NFATC2: variants seen among roughly 807,000 people sequenced by gnomAD.
The protein encoded by NFATC2 is nuclear factor of activated T-cells, cytoplasmic 2.
A neutral mutation model predicts 87.3 loss-of-function variants in NFATC2; 22 were observed. The ratio of observed to expected loss-of-function variants is 0.25; its 90% confidence interval spans 0.18 to 0.36. NFATC2 has a LOEUF of 0.36. Among genes scored for constraint, NFATC2 ranks in the 10% least tolerant of loss-of-function variants. NFATC2 has a pLI of 1.00. For missense variants in NFATC2, 1,149 were observed against 1,259.1 expected (o/e 0.91, Z 1.32); for synonymous variants, 565 against 542.2 (o/e 1.04, Z -0.58).
intron 5 of NFATC2, among the ~76,000 whole-genome samples, chr20:51,471,695 T>C (rs963021356): frequency 6.6e-6 from 1 of 152,224 alleles, no homozygotes; most frequent in Non-Finnish European, 1.5e-5. Context: ...CCATGAAGGC[T>C]AGGCTTTCCC....
chr20:51,468,952 C>T (rs1407751525), intron 5 of NFATC2, among the ~76,000 whole-genome samples: 13 of 152,096 alleles, frequency 8.5e-5, no homozygotes, highest in Admixed American at 7.2e-4. Context: ...TGGGAGACCT[C>T]GGAAAGCCTC....
At chr20:51,455,488 C>G (rs1986304623) in intron 5 of NFATC2, among the ~76,000 whole-genome samples, 1 of 151,708 alleles carries the variant, frequency 6.6e-6, no homozygotes, top group Admixed American at 6.6e-5. Flanking sequence ...AGCCCGGTCC[C>G]TCTCTCTCAT....
At chr20:51,477,559 ATATATATATATATAT>A (rs1568667118) in intron 3 of NFATC2, among the ~76,000 whole-genome samples, 2 of 122,436 alleles carry the variant, frequency 1.6e-5, no homozygotes, top group African/African-American at 6.0e-5. Flanking sequence ...ATATATATAT[ATATATATATATATAT>A]ATATATAAAA....
intron 1 of NFATC2, among the ~76,000 whole-genome samples, chr20:51,556,395 G>C (rs1030533111): frequency 6.6e-6 from 1 of 152,110 alleles, no homozygotes; most frequent in Non-Finnish European, 1.5e-5. Context: ...CCTTTTAACC[G>C]TAACAATGGC....
chr20:51,545,155 C>G (rs761747050), upstream of NFATC2, among the ~76,000 whole-genome samples: 1 of 152,158 alleles, frequency 6.6e-6, no homozygotes, highest in Non-Finnish European at 1.5e-5. Flanking sequence ...ACAAGAAAAC[C>G]AGGCTTCCCC....
intron 3 of NFATC2, among the ~76,000 whole-genome samples, chr20:51,513,499 AC>A (rs1398966256): frequency 6.6e-6 from 1 of 152,144 alleles, no homozygotes; most frequent in Non-Finnish European, 1.5e-5. Flanking sequence ...AAACAAATAA[AC>A]AAACAAACAA....
Position 51,391,469 on chromosome 20 carries a change from A to T in NFATC2, c.*45-18T>A. 9.2e-6 allele frequency: 10 copies of T among 1,088,208 alleles called. No homozygotes were observed. The highest frequency in any genetic ancestry group is 2.7e-5 in the East Asian group (1 of 37,196). 67.4% of individuals were successfully genotyped at this position (1,088,208 alleles called of 1,614,324 possible). On this transcript the variant is annotated intron_variant, in intron 10 of 10. Transcript: ENST00000371564. The stretch of plus-strand genomic sequence containing the variant: ...TTCATTAACTACAAAAGAAAAGAGG[A>T]GGGGGGGGGAGAGAGAATGGGGCAA...
At chr20:51,412,725 C>G (rs761425519) in intron 9 of NFATC2, among the ~76,000 whole-genome samples, 3 of 152,230 alleles carry the variant, frequency 2.0e-5, no homozygotes. Flanking sequence ...GCTGGGTCCA[C>G]GGGGATGCTA....
rs768348142 is a variant in NFATC2, at chr20:51,523,686, G to T, written c.555C>A (p.Pro185=). 1 of 1,613,034 alleles carries T rather than the reference G, an allele frequency of 6.2e-7. No individual in the cohort carries two copies. The highest frequency in any genetic ancestry group is 1.3e-5 in the African/African-American group (1 of 74,888). The part of the protein sequence containing the change: ...SASFISDTFS[P]YTSPCVSPNN... Reference sequence around the variant, plus strand: ...TGGGCGAGACGCAGGGCGAGGTGTAGGGGGAGAAGGTGTCAGAAATGAAGC... The same window carrying T: ...TGGGCGAGACGCAGGGCGAGGTGTATGGGGAGAAGGTGTCAGAAATGAAGC... The change falls in exon 2 of 11, where the codon CCC becomes CCA. Residue 185 remains proline (P), a synonymous_variant. Coordinates refer to ENST00000371564, the MANE Select transcript of NFATC2 (RefSeq NM_012340.5). The surrounding 1 kb of genome is among the most constrained non-coding windows in gnomAD (Gnocchi z 6.9).
At chr20:51,459,997 T>C (rs1986976948) in intron 5 of NFATC2, among the ~76,000 whole-genome samples, 1 of 152,244 alleles carries the variant, frequency 6.6e-6, no homozygotes, top group South Asian at 2.1e-4. Context: ...TGAAAATAGC[T>C]AAAATGGTAA....
intron 10 of NFATC2, among the ~76,000 whole-genome samples, chr20:51,395,175 G>A (rs574965808): frequency 6.6e-6 from 1 of 151,966 alleles, no homozygotes; most frequent in Non-Finnish European, 1.5e-5. Context: ...CAGTGCCAGG[G>A]ACTATTATTT....
Position 51,468,738 on chromosome 20 carries a change from T to C in NFATC2, c.1708+5242A>G, listed in dbSNP as rs570438761. 2.0e-5 allele frequency among the ~76,000 whole-genome samples: 3 copies of C among 152,338 alleles called. No homozygotes were observed. In the South Asian group the frequency reaches 6.2e-4, roughly 32 times the overall value. On this transcript the variant is annotated intron_variant, in intron 5 of 10. Coordinates refer to ENST00000371564, the MANE Select transcript of NFATC2 (RefSeq NM_012340.5). ...CAAACATTGCCTGGTTCCGTCTTTA[T>C]AGGACAGAGACTGACAAGTAAATTG...
In NFATC2 at chr20:51,485,082, G is replaced by A. The variant is rs1335610542; in HGVS notation, c.1333-9422C>T. On this transcript the variant is annotated intron_variant, in intron 3 of 10. Coordinates refer to ENST00000371564, the MANE Select transcript of NFATC2 (RefSeq NM_012340.5). ...GACATATCTACCGCATAGCAAGCAC[G>A]CTCACTCAAGAGAGACTTGATGGCC... Among the ~76,000 whole-genome samples the A allele has an allele frequency of 1.4e-4, 22 of 152,138 alleles. 1 individual carries two copies. The highest frequency in any genetic ancestry group is 1.4e-3 in the Admixed American group (21 of 15,266).
chr20:51,506,060 C>T (rs746439116), intron 3 of NFATC2, among the ~76,000 whole-genome samples: 123 of 152,242 alleles, frequency 8.1e-4, no homozygotes, highest in Non-Finnish European at 1.3e-3. Flanking sequence ...AGGCATTCGT[C>T]TCAGCCTCCT....
chr20:51,458,609 C>T (rs1029529046), intron 5 of NFATC2, among the ~76,000 whole-genome samples: 7 of 144,548 alleles, frequency 4.8e-5, no homozygotes, highest in African/African-American at 1.8e-4. Flanking sequence ...TCATCCTGGC[C>T]AACATGGTGA....
intron 1 of NFATC2, among the ~76,000 whole-genome samples, chr20:51,558,550 GAA>G (rs2076997395): frequency 6.6e-6 from 1 of 151,918 alleles, no homozygotes; most frequent in Non-Finnish European, 1.5e-5. Flanking sequence ...ATTATTTTTT[GAA>G]TGGGTACCTT....
At chr20:51,412,275 G>A (rs969489164) in intron 9 of NFATC2, among the ~76,000 whole-genome samples, 17 of 152,232 alleles carry the variant, frequency 1.1e-4, no homozygotes, top group Non-Finnish European at 4.4e-5. Flanking sequence ...CACACAGCTG[G>A]GGGTGATTGG....
rs780015200 is a variant in NFATC2 at position 51,432,512 on chromosome 20, G to A, written c.2277C>T (p.Ser759=). The A allele has an allele frequency of 1.3e-5, 21 of 1,556,948 alleles. No individual in the cohort carries two copies. Among genetic ancestry groups the A allele is most frequent in the Non-Finnish European group, 1.8e-5 (21 of 1,153,314 alleles). Reference sequence around the variant, plus strand: ...GCTGCTGATAGCCCAGCAGGCTGGGGCTCAGGCTCTTGCTCCGCTGGTAGA... The same window carrying A: ...GCTGCTGATAGCCCAGCAGGCTGGGACTCAGGCTCTTGCTCCGCTGGTAGA... ...AVLYQRSKSL[S]PSLLGYQQPA... is the part of the protein sequence containing the mutation. Residue 759 remains serine (S), a synonymous_variant, in exon 9 of 11, where the codon AGC becomes AGT. Transcript: ENST00000371564. This position sits in a 1 kb window ranked among gnomAD's most constrained non-coding sequence, Gnocchi z 4.6.
At chr20:51,535,289 A>C (rs921883943) in intron 1 of NFATC2, among the ~76,000 whole-genome samples, 9 of 152,206 alleles carry the variant, frequency 5.9e-5, no homozygotes, top group African/African-American at 1.9e-4. Context: ...CCAACTTAGC[A>C]AACAGTCCCT....
Sources: gnomAD v4.1 joint callset for allele counts (sites outside exome capture counted in the v4.1 genomes callset) on GRCh38, gnomAD v4.1.1 for gene constraint, Gnocchi (gnomAD v3.1) non-coding constraint, MANE v1.5 for transcripts, NCBI Gene and HGNC (gene_info 2026-07-23, HGNC 2026-07-21) for gene names.